Variants in ALDOA observed in about 807,000 individuals in gnomAD.
ALDOA encodes fructose-bisphosphate aldolase A.
ALDOA carries 26 observed loss-of-function variants against 43.9 expected under a neutral mutation model. The observed-to-expected ratio is 0.59, with a 90% CI of 0.43 to 0.82. The LOEUF is 0.82. ALDOA is among the 40% of genes least tolerant of loss of function. The pLI, the probability that ALDOA is intolerant of heterozygous loss-of-function variation, is 0.00. For synonymous variants in ALDOA, 258 were observed against 222.6 expected (o/e 1.16, Z -1.42); for missense variants, 498 against 549.5 (o/e 0.91, Z 0.94).
At chr16:30,070,096 T>A (rs571039346) in intron 9 of ALDOA, 21 bp from the exon 10 acceptor site, 7 of 1,613,760 alleles carry the variant, frequency 4.3e-6, no homozygotes, top group Non-Finnish European at 5.9e-6. Flanking sequence ...CCCTTCTCAC[T>A]CCACCCCTCT....
chr16:30,064,349 G>C, upstream of ALDOA: 1 of 398,804 alleles, frequency 2.5e-6, no homozygotes, highest in Non-Finnish European at 4.4e-6. Context: ...GGAGGAGGGA[G>C]ATTAGAGAAG....
At position 30,068,883 on chromosome 16, in the gene ALDOA, C is replaced by T. The variant is rs772548302; in HGVS notation, c.607C>T (p.Arg203Cys). Reference protein sequence around the residue: ...KKDGADFAKWRCVLKIGEHTP... With the variant: ...KKDGADFAKWCCVLKIGEHTP... ...GGACGGAGCTGACTTCGCCAAGTGG[C>T]GTTGTGTGCTGAAGATTGGGGAACA... Residue 203 changes from arginine to cysteine, a missense_variant, in exon 6 of 10, where the codon CGT becomes TGT. Coordinates refer to ENST00000642816, the MANE Select transcript of ALDOA (RefSeq NM_001243177.4). The T allele has an allele frequency of 3.1e-6, 5 of 1,614,232 alleles. No homozygotes were observed. Among genetic ancestry groups the T allele is most frequent in the Non-Finnish European group, 4.2e-6 (5 of 1,180,054 alleles).
Position 30,067,470 on chromosome 16 carries a change from C to G in ALDOA, c.295C>G (p.Gln99Glu). ...CCCAGGGAGCATTGCCAAGCGGCTG[C>G]AGTCCATTGGCACCGAGAACACCGA... The part of the protein sequence containing the change: ...ESTGSIAKRL[Q>E]SIGTENTEEN... Residue 99 changes from glutamine to glutamate, a missense_variant, in exon 4 of 10, where the codon CAG becomes GAG. Physicochemically the swap from Gln to Glu is conservative, Grantham distance 29. Coordinates refer to ENST00000642816, the MANE Select transcript of ALDOA (RefSeq NM_001243177.4). 6.2e-7 allele frequency: 1 copy of G among 1,613,280 alleles called. No homozygotes were observed. Among genetic ancestry groups the G allele is most frequent in the Non-Finnish European group, 8.5e-7 (1 of 1,179,998 alleles).
intron 1 of ALDOA, 142 bp from the exon 2 acceptor site, chr16:30,066,743 T>C: frequency 2.2e-6 from 2 of 902,636 alleles, no homozygotes; most frequent in South Asian, 3.6e-5. Flanking sequence ...GGTTCTAATC[T>C]CAGATCTGGC....
upstream of ALDOA, among the ~76,000 whole-genome samples, chr16:30,065,184 C>A (rs958781044): frequency 2.0e-5 from 3 of 152,226 alleles, no homozygotes; most frequent in Non-Finnish European, 2.9e-5. Context: ...CGCCTTCTCG[C>A]GCTCCCTGCG....
In ALDOA at chr16:30,070,320, C is replaced by G; in HGVS notation, c.*108C>G. ...CCAGGCTGGCTTGCCCGCGCTCTTT[C>G]TTCCCTCGTGACAGTGGTGTGTGGT... On this transcript the variant is annotated 3_prime_UTR_variant, in exon 10 of 10. Transcript: ENST00000642816. 9.7e-7 allele frequency: 1 copy of G among 1,034,538 alleles called. No homozygotes were observed. Among genetic ancestry groups the G allele is most frequent in the Non-Finnish European group, 1.5e-6 (1 of 668,120 alleles). 64.1% of individuals were successfully genotyped at this position (1,034,538 alleles called of 1,614,324 possible). A position where few individuals can be genotyped will look rare whatever the true frequency, so the allele number is the denominator to read the frequency against.
rs549146709 is a variant in ALDOA at position 30,067,465 on chromosome 16, G to A, written c.290G>A (p.Arg97Gln). 72 of 1,613,250 alleles carry A rather than the reference G, an allele frequency of 4.5e-5. No homozygotes were observed. The highest frequency in any genetic ancestry group is 5.9e-5 in the Non-Finnish European group (70 of 1,179,982). Residue 97 changes from arginine to glutamine, a missense_variant, in exon 4 of 10, where the codon CGG (arginine) becomes CAG (glutamine). By Grantham distance (43) the Arg-to-Gln change is conservative. Coordinates refer to ENST00000642816, the MANE Select transcript of ALDOA (RefSeq NM_001243177.4). ...ADESTGSIAK[R>Q]LQSIGTENTE... ...ACACTCCCAGGGAGCATTGCCAAGC[G>A]GCTGCAGTCCATTGGCACCGAGAAC...
intron 6 of ALDOA, 142 bp downstream of exon 6, chr16:30,069,120 A>G (rs1189779289): frequency 7.0e-7 from 1 of 1,426,020 alleles, no homozygotes; most frequent in Non-Finnish European, 9.7e-7. Context: ...AGGGCTGTTG[A>G]AGGCAGAGGG....
rs1231753719 is a variant in ALDOA, at chr16:30,068,819, G to A, written c.543G>A (p.Gly181=). ...TCTGACCCCTTCCTCTTCTCTTAGG[G>A]TTGGATGGGCTGTCTGAGCGCTGTG... ...AGTNGETTTQ[G]LDGLSERCAQ... The change falls in exon 6 of 10, where the codon GGG becomes GGA. Residue 181 remains glycine, a splice_region_variant and synonymous_variant. Transcript: ENST00000642816. The A allele has an allele frequency of 6.2e-7, 1 of 1,614,232 alleles. No homozygotes were observed. Among genetic ancestry groups the A allele is most frequent in the Non-Finnish European group, 8.5e-7 (1 of 1,180,046 alleles).
chr16:30,067,427 T>C (rs767738432), intron 3 of ALDOA, 23 bp from the exon 4 acceptor site: 1 of 1,613,456 alleles, frequency 6.2e-7, no homozygotes. Flanking sequence ...GCTGATCCCC[T>C]AATTCCCATG....
At position 30,070,288 on chromosome 16, in the gene ALDOA, C is replaced by A; in HGVS notation, c.*76C>A. 6.8e-7 allele frequency: 1 copy of A among 1,461,712 alleles called. No individual in the cohort carries two copies. The highest frequency in any genetic ancestry group is 9.6e-7 in the Non-Finnish European group (1 of 1,043,486). The allele number at this position is 1,461,712 out of a possible 1,614,324, so 90.5% of individuals were successfully genotyped here. A position where few individuals can be genotyped will look rare whatever the true frequency, so the allele number is the denominator to read the frequency against. ...ACTCTTGAAGAGGAGGCCGCCTCCT[C>A]GGGGCTCCAGGCTGGCTTGCCCGCG... On this transcript the variant is annotated 3_prime_UTR_variant, in exon 10 of 10. Coordinates refer to ENST00000642816, the MANE Select transcript of ALDOA (RefSeq NM_001243177.4).
chr16:30,066,961 T>G lies in ALDOA; in HGVS notation c.64T>G (p.Phe22Val). 2 of 1,552,184 alleles carry G rather than the reference T, an allele frequency of 1.3e-6. No individual in the cohort carries two copies. The highest frequency in any genetic ancestry group is 1.7e-6 in the Non-Finnish European group (2 of 1,148,020). Residue 22 changes from phenylalanine (F) to valine (V), a missense_variant, in exon 2 of 10, where the codon TTT becomes GTT. Transcript: ENST00000642816. ...NMTHLSMAMA[F>V]SFPPVASGQL... ...GACCCACCTGTCCATGGCTATGGCC[T>G]TTTCCTTTCCCCCAGTTGCCAGTGG...
chr16:30,069,956 C>G lies in ALDOA; in HGVS notation c.1088C>G (p.Ser363Cys), dbSNP rs1220595306. ...TFSYGRALQA[S>C]ALKAWGGKKE... The stretch of plus-strand genomic sequence containing the variant: ...TCCTACGGCCGAGCCCTGCAGGCCT[C>G]TGCCCTGAAGGCCTGGGGCGGGAAG... Residue 363 changes from serine (S) to cysteine (C), a missense_variant, in exon 9 of 10, where the codon TCT becomes TGT. Physicochemically the swap from Ser to Cys is moderately radical, Grantham distance 112. Transcript: ENST00000642816. 1 of 1,613,912 alleles carries G rather than the reference C, an allele frequency of 6.2e-7. No homozygotes were observed. The highest frequency in any genetic ancestry group is 8.5e-7 in the Non-Finnish European group (1 of 1,180,020).
chr16:30,069,430 G>A (rs373229343), intron 7 of ALDOA, 41 bp downstream of exon 7: 91 of 1,613,720 alleles, frequency 5.6e-5, no homozygotes, highest in Non-Finnish European at 7.0e-5. Flanking sequence ...GTGGCTGGCC[G>A]GGGACCCTGG....
At chr16:30,069,097 T>A in intron 6 of ALDOA, 119 bp downstream of exon 6, 2 of 1,509,898 alleles carry the variant, frequency 1.3e-6, no homozygotes, top group Non-Finnish European at 1.8e-6. Context: ...CTTTGGCCCG[T>A]GGAGGACACT....
At chr16:30,068,441 ATG>A in intron 4 of ALDOA, 1 of 656,886 alleles carries the variant, frequency 1.5e-6, no homozygotes, top group East Asian at 2.8e-5. Context: ...GATTAAGTAA[ATG>A]TGGGGGAAGA....
intron 6 of ALDOA, 70 bp downstream of exon 6, chr16:30,069,048 A>G: frequency 6.2e-7 from 1 of 1,603,668 alleles, no homozygotes; most frequent in Non-Finnish European, 8.5e-7. Flanking sequence ...TTTGCCTATT[A>G]CCTGCCATGA....
rs1200803600 is a variant in ALDOA at position 30,066,280 on chromosome 16, G to C, written c.-14+353G>C. 3.3e-5 allele frequency: 5 copies of C among 152,484 alleles called. No homozygotes were observed. The East Asian group carries it at 7.7e-4, about 23-fold the overall frequency. The allele number at this position is 152,484 out of a possible 1,614,324, so 9.4% of individuals were successfully genotyped here. A position where few individuals can be genotyped will look rare whatever the true frequency, so the allele number is the denominator to read the frequency against. Reference sequence around the variant, plus strand: ...GCCCATGTACAGCCCCAGGGTTCTCGCAAGTGGGAGCTTGGTTTCTGTCCT... The same window carrying C: ...GCCCATGTACAGCCCCAGGGTTCTCCCAAGTGGGAGCTTGGTTTCTGTCCT... On this transcript the variant is annotated intron_variant, in intron 1 of 9. Transcript: ENST00000642816.
In ALDOA at chr16:30,065,946, G is replaced by C. The variant is rs553675482; in HGVS notation, c.-14+19G>C. On this transcript the variant is annotated intron_variant, in intron 1 of 9. Coordinates refer to ENST00000642816, the MANE Select transcript of ALDOA (RefSeq NM_001243177.4). Reference sequence around the variant, plus strand: ...GTGCCAGGTGAGCGCCCCTCTTCACGTGCGGGGACCAGGGACCGTGGAGAG... The same window carrying C: ...GTGCCAGGTGAGCGCCCCTCTTCACCTGCGGGGACCAGGGACCGTGGAGAG... 1 of 153,078 alleles carries C rather than the reference G, an allele frequency of 6.5e-6. No individual in the cohort carries two copies. Among genetic ancestry groups the C allele is most frequent in the African/African-American group, 2.4e-5 (1 of 41,576 alleles). The allele number at this position is 153,078 out of a possible 1,614,324, so 9.5% of individuals were successfully genotyped here.
Sources: gnomAD v4.1 joint callset for allele counts (sites outside exome capture counted in the v4.1 genomes callset) on GRCh38, gnomAD v4.1.1 for gene constraint, MANE v1.5 for transcripts, NCBI Gene and HGNC (gene_info 2026-07-23, HGNC 2026-07-21) for gene names.